CDH2: variants seen among roughly 807,000 people sequenced by gnomAD.
CDH2 encodes the protein cadherin-2.
Under a neutral mutation model 92.0 loss-of-function variants are expected in CDH2, and 17 were observed. That is an observed-to-expected ratio of 0.18 (90% CI 0.13 to 0.28). CDH2 has a LOEUF of 0.28. CDH2 is among the 10% of genes least tolerant of loss of function. The probability of loss-of-function intolerance (pLI) is 1.00; values close to 1 mark genes in which losing one functional copy is unlikely to be tolerated. For synonymous variants in CDH2, 419 were observed against 415.9 expected (o/e 1.01, Z -0.09); for missense variants, 862 against 1,133.1 (o/e 0.76, Z 3.44).
chr18:28,059,333 A>G (rs1428082027), intron 2 of CDH2, among the ~76,000 whole-genome samples: 1 of 152,192 alleles, frequency 6.6e-6, no homozygotes, highest in Non-Finnish European at 1.5e-5. Flanking sequence ...AGCCTGACCA[A>G]AAAGGGGGAA....
In CDH2 at chr18:28,067,912, G is replaced by A. The variant is rs571275397; in HGVS notation, c.173-54003C>T. 7.9e-5 allele frequency among the ~76,000 whole-genome samples: 12 copies of A among 152,186 alleles called. 1 individual carries two copies. The South Asian group carries it at 2.5e-3, about 32-fold the overall frequency. ...AAATTATCTAGTTATAATGAGACAAGACTATTTCTGAGTGTAAAGTTTTAA... is the reference window on the plus strand; with the variant it reads ...AAATTATCTAGTTATAATGAGACAAAACTATTTCTGAGTGTAAAGTTTTAA... On this transcript the variant is annotated intron_variant, in intron 2 of 15. Transcript: ENST00000269141.
At chr18:28,026,490 CAG>C (rs535911928) in intron 2 of CDH2, among the ~76,000 whole-genome samples, 25 of 152,180 alleles carry the variant, frequency 1.6e-4, no homozygotes, top group African/African-American at 5.3e-4. Context: ...ACCAGAATGA[CAG>C]AGGTATCAAG....
chr18:28,106,583 C>T (rs1377326210), intron 2 of CDH2, among the ~76,000 whole-genome samples: 1 of 151,514 alleles, frequency 6.6e-6, no homozygotes, highest in Admixed American at 6.6e-5. Flanking sequence ...AATATGATGT[C>T]ACATGTAACC....
At chr18:28,044,562 T>C (rs1555635975) in intron 2 of CDH2, among the ~76,000 whole-genome samples, 1 of 152,220 alleles carries the variant, frequency 6.6e-6, no homozygotes, top group Non-Finnish European at 1.5e-5. Context: ...GACACTTCTA[T>C]AGGCTTTCAA....
chr18:28,001,734 G>T, intron 7 of CDH2, among the ~76,000 whole-genome samples: 1 of 152,154 alleles, frequency 6.6e-6, no homozygotes, highest in East Asian at 1.9e-4. Context: ...CCTAAGTAAG[G>T]CTCTCAGCTC....
chr18:28,047,512 T>G (rs958115713), intron 2 of CDH2, among the ~76,000 whole-genome samples: 6 of 152,066 alleles, frequency 3.9e-5, no homozygotes, highest in Non-Finnish European at 7.4e-5. Context: ...GAGTGTTCAT[T>G]TGATCTTTCA....
intron 2 of CDH2, among the ~76,000 whole-genome samples, chr18:28,043,461 A>ATATAT (rs2013990816): frequency 8.3e-5 from 6 of 71,984 alleles, no homozygotes; most frequent in Admixed American, 1.7e-4. Flanking sequence ...GATATAAATA[A>ATATAT]ATATATATAT....
At chr18:28,092,037 C>T (rs2015046899) in intron 2 of CDH2, among the ~76,000 whole-genome samples, 1 of 151,902 alleles carries the variant, frequency 6.6e-6, no homozygotes, top group Admixed American at 6.6e-5. Context: ...CTAAGAACAC[C>T]AATGATACTG....
intron 2 of CDH2, chr18:28,036,464 T>C: frequency 1.4e-6 from 2 of 1,441,546 alleles, no homozygotes; most frequent in Non-Finnish European, 1.9e-6. Flanking sequence ...AGGCAATTTT[T>C]GTTACCTGAA....
In CDH2 at chr18:28,078,524, T is replaced by C. The variant is rs576371355; in HGVS notation, c.173-64615A>G. Among the ~76,000 whole-genome samples the C allele has an allele frequency of 9.9e-5, 15 of 152,218 alleles. 1 individual carries two copies. In the South Asian group the frequency reaches 3.1e-3, roughly 32 times the overall value. On this transcript the variant is annotated intron_variant, in intron 2 of 15. Coordinates refer to ENST00000269141, the MANE Select transcript of CDH2 (RefSeq NM_001792.5). ...GGAGGGCAATGACGCTATTTCTGAC[T>C]TCAGGACAAAGTACCAACTCCTAAC...
At chr18:28,013,075 A>G (rs2013144211) in intron 3 of CDH2, among the ~76,000 whole-genome samples, 1 of 152,222 alleles carries the variant, frequency 6.6e-6, no homozygotes, top group African/African-American at 2.4e-5. Context: ...TAAAATTCCG[A>G]ACAATGACTT....
intron 2 of CDH2, among the ~76,000 whole-genome samples, chr18:28,045,927 A>G (rs1038490824): frequency 6.6e-6 from 1 of 152,238 alleles, no homozygotes; most frequent in Non-Finnish European, 1.5e-5. Context: ...GTCTGTAGAC[A>G]TTCAGCTCAG....
chr18:28,062,909 G>T (rs1214149646), intron 2 of CDH2, among the ~76,000 whole-genome samples: 1 of 152,104 alleles, frequency 6.6e-6, no homozygotes, highest in Non-Finnish European at 1.5e-5. Flanking sequence ...GGAGGAGGAG[G>T]TTGCAGAGAG....
At chr18:27,998,448 T>C (rs991163111) in intron 7 of CDH2, among the ~76,000 whole-genome samples, 1 of 152,118 alleles carries the variant, frequency 6.6e-6, no homozygotes, top group African/African-American at 2.4e-5. Context: ...GATAATAGAC[T>C]TGAACTCAGG....
intron 2 of CDH2, among the ~76,000 whole-genome samples, chr18:28,054,820 C>T (rs2014260808): frequency 6.6e-6 from 1 of 152,136 alleles, no homozygotes; most frequent in African/African-American, 2.4e-5. Context: ...GTTGCCATTT[C>T]TTTCTTGTCA....
rs1392726918 is a variant in CDH2, at chr18:28,043,422, C to T, written c.173-29513G>A. 2.2e-5 allele frequency among the ~76,000 whole-genome samples: 3 copies of T among 135,644 alleles called. No individual in the cohort carries two copies. In the East Asian group the frequency reaches 6.3e-4, roughly 29 times the overall value. 89.0% of individuals were successfully genotyped at this position (135,644 alleles called of 152,430 possible). A position where few individuals can be genotyped will look rare whatever the true frequency, so the allele number is the denominator to read the frequency against. Reference sequence around the variant, plus strand: ...CTACTAAAGAACTTATCCATATAACCAAAAACCACCTGTACCCTAAAAATT... The same window carrying T: ...CTACTAAAGAACTTATCCATATAACTAAAAACCACCTGTACCCTAAAAATT... On this transcript the variant is annotated intron_variant, in intron 2 of 15. Coordinates refer to ENST00000269141, the MANE Select transcript of CDH2 (RefSeq NM_001792.5).
intron 14 of CDH2, among the ~76,000 whole-genome samples, chr18:27,972,290 T>C (rs1337307204): frequency 6.6e-6 from 1 of 152,196 alleles, no homozygotes; most frequent in East Asian, 1.9e-4. Flanking sequence ...ATATTACCAG[T>C]GGTCATCTAA....
chr18:28,090,407 C>T (rs1599093167), intron 2 of CDH2, among the ~76,000 whole-genome samples: 1 of 152,292 alleles, frequency 6.6e-6, no homozygotes, highest in East Asian at 1.9e-4. Context: ...CACCCATCTC[C>T]TTCATGTCCT....
At chr18:28,079,196 C>T (rs1162175361) in intron 2 of CDH2, among the ~76,000 whole-genome samples, 1 of 152,202 alleles carries the variant, frequency 6.6e-6, no homozygotes, top group African/African-American at 2.4e-5. Flanking sequence ...ATAATTCCCC[C>T]TCATCATCAT....
Sources: allele counts gnomAD v4.1 joint callset (sites outside exome capture counted in the v4.1 genomes callset), GRCh38; gene constraint gnomAD v4.1.1; transcripts MANE v1.5; gene names NCBI Gene and HGNC (gene_info 2026-07-23, HGNC 2026-07-21).